CELF2: variants seen among roughly 807,000 people sequenced by gnomAD.
CELF2 encodes the protein CUGBP Elav-like family member 2.
A neutral mutation model predicts 62.6 loss-of-function variants in CELF2; 8 were observed. The observed-to-expected ratio is 0.13, with a 90% CI of 0.07 to 0.23. CELF2 has a LOEUF of 0.23. Ranked by LOEUF, CELF2 falls within the 10% of genes least tolerant of loss-of-function variation. The pLI, the probability that CELF2 is intolerant of heterozygous loss-of-function variation, is 1.00. For missense variants in CELF2, 333 were observed against 671.0 expected (o/e 0.50, Z 5.56); for synonymous variants, 258 against 250.0 (o/e 1.03, Z -0.30).
upstream of CELF2, among the ~76,000 whole-genome samples, chr10:10,795,727 C>T (rs533406167): frequency 7.8e-4 from 118 of 150,400 alleles, no homozygotes; most frequent in South Asian, 4.5e-3. Flanking sequence ...TAAACATAAA[C>T]ACACACACAC....
At chr10:10,728,422 C>T in the CELF2 span, among the ~76,000 whole-genome samples, 1 of 144,512 alleles carries the variant, frequency 6.9e-6, no homozygotes, top group Non-Finnish European at 1.5e-5. Context: ...CACTGCACTC[C>T]AGCCTGGGTG....
intron 1 of CELF2, among the ~76,000 whole-genome samples, chr10:11,033,759 G>C (rs2060516334): frequency 6.6e-6 from 1 of 152,170 alleles, no homozygotes; most frequent in African/African-American, 2.4e-5. Context: ...TTCCCCTGTA[G>C]TGTTGTAAAT....
chr10:10,933,370 T>A (rs1592105567), intron 2 of CELF2, among the ~76,000 whole-genome samples: 1 of 152,350 alleles, frequency 6.6e-6, no homozygotes, highest in East Asian at 1.9e-4. Flanking sequence ...TATACCTGAA[T>A]ACATTGTGCA....
intron 3 of CELF2, among the ~76,000 whole-genome samples, chr10:11,230,929 C>G (rs1209076756): frequency 9.2e-5 from 14 of 152,158 alleles, no homozygotes; most frequent in Non-Finnish European, 2.9e-5. Flanking sequence ...TTCACGGACT[C>G]GAAATTCGTT....
At chr10:10,775,757 T>C in the CELF2 span, among the ~76,000 whole-genome samples, 1 of 152,212 alleles carries the variant, frequency 6.6e-6, no homozygotes, top group Admixed American at 6.5e-5. Context: ...TGAGGAGTGA[T>C]TTATGGTAAT....
chr10:11,025,956 G>A (rs182718489), intron 1 of CELF2, among the ~76,000 whole-genome samples: 207 of 152,302 alleles, frequency 1.4e-3, no homozygotes, highest in Non-Finnish European at 2.2e-3. Flanking sequence ...TCCCTTTTGA[G>A]GGCCTCTTTT....
chr10:10,466,549 C>G, the CELF2 span, among the ~76,000 whole-genome samples: 3 of 152,026 alleles, frequency 2.0e-5, no homozygotes, highest in African/African-American at 7.2e-5. Context: ...ATAGGTGTTT[C>G]TCTCAGGTAA....
At chr10:10,574,450 C>T in the CELF2 span, among the ~76,000 whole-genome samples, 35 of 152,126 alleles carry the variant, frequency 2.3e-4, no homozygotes, top group Non-Finnish European at 4.9e-4. Flanking sequence ...TAATGAGAAA[C>T]GTGTTATGAT....
At chr10:10,509,150 G>T in the CELF2 span, among the ~76,000 whole-genome samples, 76 of 152,284 alleles carry the variant, frequency 5.0e-4, no homozygotes, top group Admixed American at 1.3e-3. Context: ...TGTTTTGCTT[G>T]CATGCTGAAT....
At chr10:10,559,943 T>A in the CELF2 span, among the ~76,000 whole-genome samples, 1 of 152,200 alleles carries the variant, frequency 6.6e-6, no homozygotes, top group Non-Finnish European at 1.5e-5. Context: ...GCTTTAGAAG[T>A]CCCTGATGAC....
chr10:11,267,204 T>C lies in CELF2; in HGVS notation c.618+527T>C, dbSNP rs989950522. Among the ~76,000 whole-genome samples the C allele has an allele frequency of 6.6e-6, 1 of 152,220 alleles. No homozygotes were observed. The highest frequency in any genetic ancestry group is 2.4e-5 in the African/African-American group (1 of 41,450). ...ATATTTCTCCCACTGCATTTAACAT[T>C]GAAAGTGCAAATTTGGAAAATAGGA... On this transcript the variant is annotated intron_variant, in intron 6 of 12. Coordinates refer to ENST00000633077, the MANE Select transcript of CELF2 (RefSeq NM_001326342.2). The surrounding 1 kb of genome is among the most constrained non-coding windows in gnomAD (Gnocchi z 4.4).
intron 2 of CELF2, among the ~76,000 whole-genome samples, chr10:10,970,395 G>A (rs2050635654): frequency 6.6e-6 from 1 of 152,136 alleles, no homozygotes; most frequent in South Asian, 2.1e-4. Flanking sequence ...ATGATTGGCT[G>A]AAGGATTAAA....
chr10:11,275,182 C>G lies in CELF2; in HGVS notation c.841+62C>G. 2.0e-6 allele frequency: 3 copies of G among 1,514,302 alleles called. No homozygotes were observed. The South Asian group carries it at 3.4e-5, about 17-fold the overall frequency. The allele number at this position is 1,514,302 out of a possible 1,614,324, so 93.8% of individuals were successfully genotyped here. A position where few individuals can be genotyped will look rare whatever the true frequency, so the allele number is the denominator to read the frequency against. ...TATTGTCAGAATTTGGGGTTGGTTCCGAGGGCAAAGACAAGAAGCAGGGGA... is the reference window on the plus strand; with the variant it reads ...TATTGTCAGAATTTGGGGTTGGTTCGGAGGGCAAAGACAAGAAGCAGGGGA... On this transcript the variant is annotated intron_variant, in intron 8 of 12. Transcript: ENST00000633077.
At chr10:11,201,991 T>C (rs1453442523) in intron 2 of CELF2, among the ~76,000 whole-genome samples, 2 of 152,150 alleles carry the variant, frequency 1.3e-5, no homozygotes, top group African/African-American at 2.4e-5. Flanking sequence ...TGCTTAACTC[T>C]CTTCAGTCTT....
At position 11,217,592 on chromosome 10, in the gene CELF2, G is replaced by C; in HGVS notation, c.354+85G>C. On this transcript the variant is annotated intron_variant, in intron 3 of 12. Transcript: ENST00000633077. This position sits in a 1 kb window ranked among gnomAD's most constrained non-coding sequence, Gnocchi z 5.6. Reference sequence around the variant, plus strand: ...TGAAGGTTCTAGTTATGGGCTCTTAGTGCCAAAAATGACTTTGGTCTTTTG... The same window carrying C: ...TGAAGGTTCTAGTTATGGGCTCTTACTGCCAAAAATGACTTTGGTCTTTTG... The C allele has an allele frequency of 9.7e-7, 1 of 1,025,724 alleles. No individual in the cohort carries two copies. The highest frequency in any genetic ancestry group is 1.5e-6 in the Non-Finnish European group (1 of 676,790). The allele number at this position is 1,025,724 out of a possible 1,614,324, so 63.5% of individuals were successfully genotyped here.
chr10:10,575,251 C>G, the CELF2 span, among the ~76,000 whole-genome samples: 2 of 152,020 alleles, frequency 1.3e-5, no homozygotes, highest in African/African-American at 4.8e-5. Context: ...ACTTATTAAC[C>G]CATTCTTGAA....
the CELF2 span, among the ~76,000 whole-genome samples, chr10:10,486,440 A>G: frequency 6.6e-6 from 1 of 152,214 alleles, no homozygotes; most frequent in African/African-American, 2.4e-5. Context: ...TTTTGTCTTC[A>G]TACAAAAGTA....
At chr10:10,471,264 T>G in the CELF2 span, among the ~76,000 whole-genome samples, 2 of 151,728 alleles carry the variant, frequency 1.3e-5, no homozygotes, top group African/African-American at 4.8e-5. Context: ...ACTGTCCTTA[T>G]GATCCATTTT....
In CELF2 at chr10:11,309,078, A is replaced by G. The variant is rs1293594638; in HGVS notation, c.977-5061A>G. On this transcript the variant is annotated intron_variant, in intron 9 of 12. Coordinates refer to ENST00000633077, the MANE Select transcript of CELF2 (RefSeq NM_001326342.2). This position sits in a 1 kb window ranked among gnomAD's most constrained non-coding sequence, Gnocchi z 5.6. Reference sequence around the variant, plus strand: ...TTTTTAGATTGTTATCATATTTATAATAGCTGCTTTCATGTCTTTGTCCAC... The same window carrying G: ...TTTTTAGATTGTTATCATATTTATAGTAGCTGCTTTCATGTCTTTGTCCAC... Among the ~76,000 whole-genome samples, 1 of 152,192 alleles carries G rather than the reference A, an allele frequency of 6.6e-6. No homozygotes were observed. Among genetic ancestry groups the G allele is most frequent in the African/African-American group, 2.4e-5 (1 of 41,434 alleles).
Sources: allele counts gnomAD v4.1 joint callset (sites outside exome capture counted in the v4.1 genomes callset), GRCh38; gene constraint gnomAD v4.1.1; non-coding constraint Gnocchi (gnomAD v3.1); transcripts MANE v1.5; gene names NCBI Gene and HGNC (gene_info 2026-07-23, HGNC 2026-07-21).